CALN1: variants seen among roughly 807,000 people sequenced by gnomAD.
CALN1 encodes the protein calcium-binding protein 8.
In CALN1, 17 loss-of-function variants were observed where a neutral mutation model predicts 30.6. That is an observed-to-expected ratio of 0.56 (90% CI 0.38 to 0.83). The LOEUF (loss-of-function observed/expected upper bound fraction) is 0.83. Ranked by LOEUF, CALN1 falls within the 40% of genes least tolerant of loss-of-function variation. The pLI is 0.00. For missense variants in CALN1, 291 were observed against 354.9 expected (o/e 0.82, Z 1.45); for synonymous variants, 156 against 131.4 (o/e 1.19, Z -1.28).
chr7:72,426,020 G>T (rs745893785), intron 1 of CALN1, among the ~76,000 whole-genome samples: 3 of 152,244 alleles, frequency 2.0e-5, no homozygotes, highest in Non-Finnish European at 2.9e-5. Context: ...TGCTGCCTCT[G>T]ATTGGGAGGC....
intron 4 of CALN1, among the ~76,000 whole-genome samples, chr7:72,079,527 T>C (rs2129538573): frequency 6.6e-6 from 1 of 152,236 alleles, no homozygotes; most frequent in East Asian, 1.9e-4. Context: ...ATTTTGAAAG[T>C]AATGGCAAAA....
intron 3 of CALN1, among the ~76,000 whole-genome samples, chr7:72,229,425 T>G (rs1793925397): frequency 6.6e-6 from 1 of 151,976 alleles, no homozygotes; most frequent in South Asian, 2.1e-4. Flanking sequence ...AACAATCCTA[T>G]TACTGGGTGT....
intron 2 of CALN1, chr7:72,337,624 A>ACT (rs1386586298): frequency 6.5e-6 from 1 of 152,832 alleles, no homozygotes; most frequent in Non-Finnish European, 1.5e-5. Flanking sequence ...CCAGGTGCCC[A>ACT]CACCCTAGAT....
chr7:72,206,770 G>A (rs1045923122), intron 3 of CALN1, among the ~76,000 whole-genome samples: 5 of 152,012 alleles, frequency 3.3e-5, no homozygotes, highest in Non-Finnish European at 7.4e-5. Context: ...TTGCAGATTT[G>A]TTTATATATC....
At chr7:72,248,606 T>G (rs1795344516) in intron 3 of CALN1, among the ~76,000 whole-genome samples, 1 of 152,188 alleles carries the variant, frequency 6.6e-6, no homozygotes, top group African/African-American at 2.4e-5. Flanking sequence ...CACTTATCAT[T>G]ACATTATTAT....
In CALN1 at chr7:72,389,952, G is replaced by GA. The variant is rs368706704; in HGVS notation, c.119+13298dup. 7.3e-4 allele frequency among the ~76,000 whole-genome samples: 109 copies of GA among 150,096 alleles called. 1 individual carries two copies. The highest frequency in any genetic ancestry group is 2.5e-3 in the African/African-American group (102 of 40,860). ...TAAAAAAAAAAAAGAAGAAAGAAAA[G>GA]AAAAAAAAGGGGAGAATTAACAAGC... is the stretch of plus-strand genomic sequence containing the variant. On this transcript the variant is annotated intron_variant, in intron 2 of 6. Coordinates refer to ENST00000395275, the MANE Select transcript of CALN1 (RefSeq NM_031468.4).
At position 71,787,106 on chromosome 7, in the gene CALN1, T is replaced by C. The variant is rs1478171335; in HGVS notation, c.*669A>G. ...TGGGCTCTAGGAACAGAAAGCCAAG[T>C]GCCGACGGAAACTGAGAGCACCCCA... On this transcript the variant is annotated 3_prime_UTR_variant, in exon 7 of 7. Transcript: ENST00000395275. 6.5e-6 allele frequency: 1 copy of C among 152,708 alleles called. No homozygotes were observed. The highest frequency in any genetic ancestry group is 1.5e-5 in the Non-Finnish European group (1 of 68,120). The allele number at this position is 152,708 out of a possible 1,614,324, so 9.5% of individuals were successfully genotyped here.
intron 2 of CALN1, among the ~76,000 whole-genome samples, chr7:72,373,595 A>AT (rs1377769866): frequency 6.6e-6 from 1 of 152,232 alleles, no homozygotes; most frequent in East Asian, 1.9e-4. Flanking sequence ...ATAGGCTAAT[A>AT]TAAGTTTTCT....
intron 2 of CALN1, among the ~76,000 whole-genome samples, chr7:72,349,616 G>C (rs184071639): frequency 6.6e-6 from 1 of 152,122 alleles, no homozygotes; most frequent in Non-Finnish European, 1.5e-5. Flanking sequence ...TTTTTAATGT[G>C]CTGAAATTGA....
intron 2 of CALN1, among the ~76,000 whole-genome samples, chr7:72,355,679 T>A (rs868098476): frequency 1.3e-5 from 2 of 152,154 alleles, no homozygotes; most frequent in Non-Finnish European, 2.9e-5. Flanking sequence ...CAGGCAAAAA[T>A]TATTCATAAT....
intron 5 of CALN1, among the ~76,000 whole-genome samples, chr7:72,000,004 C>T (rs978058999): frequency 2.6e-5 from 4 of 151,974 alleles, no homozygotes; most frequent in African/African-American, 9.7e-5. Flanking sequence ...ATTAATAACA[C>T]GCTGCTGAAC....
intron 5 of CALN1, among the ~76,000 whole-genome samples, chr7:71,829,139 G>A (rs1218140092): frequency 6.6e-6 from 1 of 152,158 alleles, no homozygotes; most frequent in Non-Finnish European, 1.5e-5. Context: ...CTGAGGCTGT[G>A]TCACAGGTAC....
chr7:72,157,571 A>G (rs939148903), intron 3 of CALN1, among the ~76,000 whole-genome samples: 2 of 152,130 alleles, frequency 1.3e-5, no homozygotes, highest in Admixed American at 6.5e-5. Context: ...TTAGGAAGAC[A>G]GGGGAAAAAA....
intron 2 of CALN1, among the ~76,000 whole-genome samples, chr7:72,338,624 G>A (rs936972420): frequency 6.6e-5 from 10 of 151,672 alleles, no homozygotes; most frequent in Non-Finnish European, 1.3e-4. Flanking sequence ...TTACTATCTT[G>A]TATAGACCCT....
chr7:71,887,739 G>A (rs1792999379), intron 5 of CALN1, among the ~76,000 whole-genome samples: 1 of 152,126 alleles, frequency 6.6e-6, no homozygotes, highest in South Asian at 2.1e-4. Context: ...GGAGAGAGGA[G>A]GCAATGCAAG....
intron 5 of CALN1, among the ~76,000 whole-genome samples, chr7:71,868,616 T>C (rs1335469908): frequency 6.6e-6 from 1 of 151,900 alleles, no homozygotes; most frequent in Non-Finnish European, 1.5e-5. Flanking sequence ...AGGTTATCCA[T>C]CTGCCTCAGC....
chr7:72,278,509 ACACACG>A (rs1403592780), intron 3 of CALN1, among the ~76,000 whole-genome samples, 171 bp downstream of exon 3: 15 of 145,466 alleles, frequency 1.0e-4, no homozygotes, highest in Non-Finnish European at 4.5e-5. Context: ...ACACACACAC[ACACACG>A]TCACTTGGGC....
At chr7:72,022,107 T>C (rs934697511) in intron 5 of CALN1, among the ~76,000 whole-genome samples, 18 of 150,754 alleles carry the variant, frequency 1.2e-4, no homozygotes, top group Admixed American at 3.9e-4. Flanking sequence ...AATGCCCTCT[T>C]TTCTTTCTTT....
intron 4 of CALN1, among the ~76,000 whole-genome samples, chr7:72,090,940 G>A (rs945848465): frequency 6.6e-6 from 1 of 152,142 alleles, no homozygotes; most frequent in African/African-American, 2.4e-5. Context: ...AGTGGGTGTG[G>A]GGTAAGAAGA....
Sources: allele counts gnomAD v4.1 joint callset (sites outside exome capture counted in the v4.1 genomes callset), GRCh38; gene constraint gnomAD v4.1.1; transcripts MANE v1.5; gene names NCBI Gene and HGNC (gene_info 2026-07-23, HGNC 2026-07-21).